ARHGAP21: variants seen among roughly 807,000 people sequenced by gnomAD.
ARHGAP21 encodes the protein Rho GTPase activating protein 21.
A neutral mutation model predicts 164.6 loss-of-function variants in ARHGAP21; 38 were observed. The observed-to-expected ratio is 0.23, with a 90% CI of 0.18 to 0.30. ARHGAP21 has a LOEUF of 0.30. Among genes scored for constraint, ARHGAP21 ranks in the 10% least tolerant of loss-of-function variants. The probability of loss-of-function intolerance (pLI) is 1.00; values close to 1 mark genes in which losing one functional copy is unlikely to be tolerated. For synonymous variants in ARHGAP21, 766 were observed against 857.9 expected, an observed-to-expected ratio of 0.89 and a Z score of 1.87; for missense variants, 1,822 against 2,370.7, an observed-to-expected ratio of 0.77 and a Z score of 4.81.
chr10:24,591,293 G>T lies in ARHGAP21; in HGVS notation c.4082C>A (p.Pro1361Gln). 1 of 1,613,168 alleles carries T rather than the reference G, an allele frequency of 6.2e-7. No individual in the cohort carries two copies. The highest frequency in any genetic ancestry group is 8.5e-7 in the Non-Finnish European group (1 of 1,179,958). ...VQEESTVDSQ[P>Q]VPNIDHLLTN... ...GAGTAAATGATCTATGTTTGGCACT[G>T]GCTGGGAGTCTACTGTGCTTTCCTC... The change falls in exon 24 of 26, where the codon CCA becomes CAA. Residue 1361 changes from proline to glutamine, a missense_variant. By Grantham distance (76) the Pro-to-Gln change is moderately conservative. Around this residue, in one of 5 missense-constraint regions of ARHGAP21, gnomAD observed 333 missense variants for 383.9 expected, o/e 0.87. Coordinates refer to ENST00000396432, the MANE Select transcript of ARHGAP21 (RefSeq NM_020824.4).
At chr10:24,617,703 T>C (rs1834101073) in intron 9 of ARHGAP21, among the ~76,000 whole-genome samples, 1 of 113,702 alleles carries the variant, frequency 8.8e-6, no homozygotes, top group African/African-American at 2.7e-5. Flanking sequence ...TTTTTAAAGC[T>C]ATCAATAGCT....
chr10:24,714,240 T>A (rs1845138117), intron 2 of ARHGAP21: 1 of 152,214 alleles, frequency 6.6e-6, no homozygotes, highest in Non-Finnish European at 1.5e-5. Context: ...TATTGTTAAC[T>A]ATAATAAGAA....
rs1243854662 is a variant in ARHGAP21, at chr10:24,629,979, GAATA to G, written c.495+13_495+16del. The G allele has an allele frequency of 6.6e-7, 1 of 1,519,850 alleles. No homozygotes were observed. The highest frequency in any genetic ancestry group is 9.0e-7 in the Non-Finnish European group (1 of 1,106,136). The allele number at this position is 1,519,850 out of a possible 1,614,324, so 94.1% of individuals were successfully genotyped here. A position where few individuals can be genotyped will look rare whatever the true frequency, so the allele number is the denominator to read the frequency against. On this transcript the variant is annotated intron_variant, in intron 7 of 25. Transcript: ENST00000396432. ...CATGACTGTAAAACAACTCATATAT[GAATA>G]AATAAAACTTACCACTTGGAGAATG...
chr10:24,669,704 G>A (rs1840517437), intron 3 of ARHGAP21, among the ~76,000 whole-genome samples: 1 of 152,182 alleles, frequency 6.6e-6, no homozygotes, highest in Admixed American at 6.5e-5. Context: ...ATTATCTCAG[G>A]CTGTCCTTTT....
At chr10:24,646,333 A>G (rs1348521877) in intron 4 of ARHGAP21, among the ~76,000 whole-genome samples, 1 of 150,984 alleles carries the variant, frequency 6.6e-6, no homozygotes, top group Non-Finnish European at 1.5e-5. Flanking sequence ...GGAGCAGCTG[A>G]AAAAAAAACA....
chr10:24,720,528 ACT>A (rs1053417139), intron 2 of ARHGAP21, among the ~76,000 whole-genome samples: 3 of 152,226 alleles, frequency 2.0e-5, no homozygotes, highest in African/African-American at 7.2e-5. Flanking sequence ...AAAGTAAAAC[ACT>A]GATTCTAAAT....
chr10:24,646,138 T>C (rs1837546995), intron 4 of ARHGAP21, among the ~76,000 whole-genome samples: 1 of 152,222 alleles, frequency 6.6e-6, no homozygotes, highest in Non-Finnish European at 1.5e-5. Flanking sequence ...TCTGTTTTTA[T>C]AGCAAAGATG....
chr10:24,635,251 T>C (rs1039433943), intron 4 of ARHGAP21, 148 bp from the exon 5 acceptor site: 1 of 518,494 alleles, frequency 1.9e-6, no homozygotes, highest in Admixed American at 3.7e-5. Flanking sequence ...AATTATAATG[T>C]AGGGGTTTTC....
At chr10:24,642,494 G>A (rs369585365) in intron 4 of ARHGAP21, among the ~76,000 whole-genome samples, 64 of 133,698 alleles carry the variant, frequency 4.8e-4, no homozygotes, top group African/African-American at 1.4e-3. Context: ...CAGCCTGGGC[G>A]ACAGAGCGAG....
intron 4 of ARHGAP21, among the ~76,000 whole-genome samples, chr10:24,636,238 A>G (rs919088805): frequency 6.6e-6 from 1 of 152,252 alleles, no homozygotes; most frequent in African/African-American, 2.4e-5. Flanking sequence ...ATGAGAGGAC[A>G]TTTAAGCTAA....
intron 4 of ARHGAP21, among the ~76,000 whole-genome samples, chr10:24,658,615 G>A (rs1313485210): frequency 6.6e-6 from 1 of 152,110 alleles, no homozygotes; most frequent in Non-Finnish European, 1.5e-5. Flanking sequence ...ACTCATAGGT[G>A]GGAATTGAAC....
At chr10:24,595,588 G>A (rs767530866) in intron 19 of ARHGAP21, 129 bp downstream of exon 19, 138 of 845,278 alleles carry the variant, frequency 1.6e-4, no homozygotes, top group Non-Finnish European at 2.4e-4. Flanking sequence ...AATATATGAG[G>A]GAGAACTAAA....
At chr10:24,655,958 TGA>T (rs1245172820) in intron 4 of ARHGAP21, among the ~76,000 whole-genome samples, 2 of 108,228 alleles carry the variant, frequency 1.8e-5, no homozygotes, top group East Asian at 5.8e-4. Context: ...GTCTGAGAAG[TGA>T]GGAGACCCTC....
intron 7 of ARHGAP21, among the ~76,000 whole-genome samples, chr10:24,624,363 C>T (rs1211690621): frequency 1.5e-4 from 5 of 32,808 alleles, no homozygotes; most frequent in African/African-American, 5.9e-4. Context: ...TTTTTGAGAC[C>T]GAGTCTCACT....
At chr10:24,656,428 G>C (rs1838944665) in intron 4 of ARHGAP21, among the ~76,000 whole-genome samples, 1 of 86,910 alleles carries the variant, frequency 1.2e-5, no homozygotes, top group South Asian at 4.0e-4. Flanking sequence ...CGCCCCGTCT[G>C]GGAGGTGAGG....
chr10:24,607,685 C>T (rs763827674), intron 10 of ARHGAP21, 60 bp downstream of exon 10: 52 of 1,610,300 alleles, frequency 3.2e-5, no homozygotes, highest in Non-Finnish European at 4.3e-5. Context: ...GTTTATCATA[C>T]TATTCTAAGT....
intron 3 of ARHGAP21, among the ~76,000 whole-genome samples, chr10:24,668,473 T>C (rs1840400020): frequency 1.3e-5 from 2 of 152,266 alleles, no homozygotes; most frequent in South Asian, 4.2e-4. Context: ...ATGGACAGCA[T>C]CCTGTCCAGG....
At chr10:24,629,933 C>A in intron 7 of ARHGAP21, 63 bp downstream of exon 7, 2 of 1,187,760 alleles carry the variant, frequency 1.7e-6, no homozygotes, top group South Asian at 2.6e-5. Flanking sequence ...ACTTCCATCT[C>A]AAAAATATTT....
At chr10:24,721,650 G>C (rs540323686) in intron 2 of ARHGAP21, among the ~76,000 whole-genome samples, 187 bp downstream of exon 2, 42 of 152,282 alleles carry the variant, frequency 2.8e-4, no homozygotes, top group Non-Finnish European at 5.3e-4. Flanking sequence ...AGAAACACGG[G>C]AGTCCCTGGA....
Sources: allele counts gnomAD v4.1 joint callset (sites outside exome capture counted in the v4.1 genomes callset), GRCh38; gene constraint gnomAD v4.1.1; regional missense constraint gnomAD v4.1.1; transcripts MANE v1.5; gene names NCBI Gene and HGNC (gene_info 2026-07-23, HGNC 2026-07-21).